Variants in DAB1 observed in about 807,000 individuals in gnomAD.
DAB1 encodes the protein DAB adaptor protein 1.
DAB1 carries 15 observed loss-of-function variants against 64.6 expected under a neutral mutation model. That is an observed-to-expected ratio of 0.23 (90% confidence interval 0.16 to 0.36). The LOEUF is 0.36. Ranked by LOEUF, DAB1 falls within the 10% of genes least tolerant of loss-of-function variation. The pLI, the probability that DAB1 is intolerant of heterozygous loss-of-function variation, is 1.00. For synonymous variants in DAB1, 235 were observed against 251.9 expected, an observed-to-expected ratio of 0.93 and a Z score of 0.64; for missense variants, 596 against 706.7, an observed-to-expected ratio of 0.84 and a Z score of 1.78.
intron 1 of DAB1, among the ~76,000 whole-genome samples, chr1:57,321,462 C>T (rs1479377851): frequency 6.6e-6 from 1 of 151,714 alleles, no homozygotes; most frequent in East Asian, 2.0e-4. Flanking sequence ...AAGTCTACAT[C>T]TGCCACCCTG....
chr1:58,536,815 T>G (rs973935757), intron 1 of DAB1: 18 of 760,854 alleles, frequency 2.4e-5, no homozygotes, highest in Non-Finnish European at 3.9e-5. Context: ...ATGCATACAC[T>G]AGAATTTTAC....
At position 57,497,376 on chromosome 1, in the gene DAB1, G is replaced by A. The variant is rs1268448564; in HGVS notation, n.625+152216C>T. On this transcript the variant is annotated intron_variant and non_coding_transcript_variant, in intron 7 of 20. Coordinates refer to the DAB1 transcript ENST00000485760. Reference sequence around the variant, plus strand: ...CACTAGAATAATGTCTGGCACATAGGTGAGTGCTCACTGAGAACATTAGTT... The same window carrying A: ...CACTAGAATAATGTCTGGCACATAGATGAGTGCTCACTGAGAACATTAGTT... Among the ~76,000 whole-genome samples the A allele has an allele frequency of 3.3e-5, 5 of 152,178 alleles. No individual in the cohort carries two copies. The East Asian group carries it at 5.8e-4, about 18-fold the overall frequency.
intron 5 of DAB1, among the ~76,000 whole-genome samples, chr1:58,079,697 T>A (rs989318973): frequency 5.9e-5 from 9 of 151,756 alleles, no homozygotes; most frequent in Non-Finnish European, 1.2e-4. Flanking sequence ...ATTTTTGTAT[T>A]TTTAGTAGAG....
At chr1:57,072,557 G>T in intron 4 of DAB1, 143 bp from the exon 5 acceptor site, 1 of 756,546 alleles carries the variant, frequency 1.3e-6, no homozygotes. Flanking sequence ...AAGAAAAAGA[G>T]CTATGCCTGT....
chr1:57,277,251 C>T (rs1570138481), intron 2 of DAB1, among the ~76,000 whole-genome samples: 1 of 152,144 alleles, frequency 6.6e-6, no homozygotes, highest in East Asian at 1.9e-4. Flanking sequence ...TAAATCCTAA[C>T]TCTGCTAGTT....
chr1:57,192,924 A>G (rs1664271908), intron 2 of DAB1, among the ~76,000 whole-genome samples: 1 of 152,148 alleles, frequency 6.6e-6, no homozygotes, highest in African/African-American at 2.4e-5. Flanking sequence ...TAATTTTTTA[A>G]AATTCATTTT....
chr1:57,065,804 TTGC>T lies in DAB1; in HGVS notation c.664-2864_664-2862del, dbSNP rs1262890391. 7.2e-5 allele frequency among the ~76,000 whole-genome samples: 11 copies of T among 152,338 alleles called. 1 individual carries two copies. Among genetic ancestry groups the T allele is most frequent in the Admixed American group, 4.6e-4 (7 of 15,310 alleles). ...AGTCGCTTTGCTCTCTGAACTTCAG[TTGC>T]CCCATCTGCCCATTGTGAGCATCTA... On this transcript the variant is annotated intron_variant, in intron 8 of 14. Transcript: ENST00000371236.
In DAB1 at chr1:57,089,903, T is replaced by A. The variant is rs143003121; in HGVS notation, c.307-17489A>T. ...CATTTGTGGCCCCCTTGACTATACC[T>A]ACACACAATATATAATTGCATATTT... On this transcript the variant is annotated intron_variant, in intron 4 of 14. Transcript: ENST00000371236. Among the ~76,000 whole-genome samples, 885 of 152,310 alleles carry A rather than the reference T, an allele frequency of 5.8e-3. 10 individuals carry two copies. Among genetic ancestry groups the A allele is most frequent in the African/African-American group, 0.02 (834 of 41,570 alleles).
chr1:57,595,939 C>T (rs538407023), intron 7 of DAB1, among the ~76,000 whole-genome samples: 1 of 152,278 alleles, frequency 6.6e-6, no homozygotes, highest in Admixed American at 6.5e-5. Flanking sequence ...GTATAGCCTG[C>T]AGAATTGTGA....
At chr1:57,935,366 T>C (rs967528728) in intron 5 of DAB1, among the ~76,000 whole-genome samples, 1 of 152,208 alleles carries the variant, frequency 6.6e-6, no homozygotes, top group Non-Finnish European at 1.5e-5. Context: ...TTAATTGAGG[T>C]TAACAACTGT....
intron 5 of DAB1, among the ~76,000 whole-genome samples, chr1:57,989,258 C>T (rs139350828): frequency 6.6e-6 from 1 of 152,120 alleles, no homozygotes; most frequent in Non-Finnish European, 1.5e-5. Context: ...CCTCCTCTCG[C>T]TAGAGCCCCC....
At chr1:58,245,437 C>T (rs924917888) in intron 4 of DAB1, among the ~76,000 whole-genome samples, 1 of 152,114 alleles carries the variant, frequency 6.6e-6, no homozygotes, top group African/African-American at 2.4e-5. Flanking sequence ...ACAAGGACAC[C>T]TAATTGGAAG....
At chr1:57,167,727 A>G (rs181502627) in intron 2 of DAB1, among the ~76,000 whole-genome samples, 2 of 152,126 alleles carry the variant, frequency 1.3e-5, no homozygotes, top group Non-Finnish European at 2.9e-5. Context: ...TTCCACTGCC[A>G]CCTCCCCTGT....
intron 1 of DAB1, among the ~76,000 whole-genome samples, chr1:57,305,237 A>T (rs147747207): frequency 6.6e-4 from 101 of 152,340 alleles, no homozygotes; most frequent in African/African-American, 2.3e-3. Flanking sequence ...CTACCAGACC[A>T]GGAGGGAACC....
intron 7 of DAB1, among the ~76,000 whole-genome samples, chr1:57,577,415 T>TA (rs5774358): frequency 2.5e-4 from 37 of 147,066 alleles, no homozygotes; most frequent in African/African-American, 8.7e-4. Context: ...GGAGGCTTCC[T>TA]AAAAAAAAAA....
At chr1:58,460,139 G>A (rs1381310514) in intron 3 of DAB1, among the ~76,000 whole-genome samples, 1 of 152,218 alleles carries the variant, frequency 6.6e-6, no homozygotes, top group Non-Finnish European at 1.5e-5. Context: ...CCTTTGAGCA[G>A]AGAGCATGGA....
At chr1:58,317,500 G>A (rs755613425) in intron 4 of DAB1, among the ~76,000 whole-genome samples, 2 of 152,252 alleles carry the variant, frequency 1.3e-5, no homozygotes, top group Non-Finnish European at 2.9e-5. Context: ...GATTCAACTG[G>A]CTTGAAGATG....
At chr1:58,490,795 CTTTTTTT>C (rs148145860) in intron 3 of DAB1, among the ~76,000 whole-genome samples, 8 of 59,242 alleles carry the variant, frequency 1.4e-4, no homozygotes, top group East Asian at 7.2e-4. Flanking sequence ...AGTCAACATT[CTTTTTTT>C]TTTTTTTTTT....
chr1:58,291,043 C>T (rs1465176817), intron 4 of DAB1, among the ~76,000 whole-genome samples: 1 of 152,180 alleles, frequency 6.6e-6, no homozygotes, highest in African/African-American at 2.4e-5. Context: ...CACCACTGCT[C>T]TCTTGAACAG....
Sources: allele counts gnomAD v4.1 joint callset (sites outside exome capture counted in the v4.1 genomes callset), GRCh38; gene constraint gnomAD v4.1.1; transcripts MANE v1.5; gene names NCBI Gene and HGNC (gene_info 2026-07-23, HGNC 2026-07-21).